The following CCDC73 variants were observed in gnomAD, a reference collection of about 807,000 sequenced individuals.
The protein encoded by CCDC73 is coiled-coil domain containing 73.
In CCDC73, 95 loss-of-function variants were observed where a neutral mutation model predicts 116.5. The observed-to-expected ratio is 0.82, with a 90% CI of 0.69 to 0.97. The LOEUF (loss-of-function observed/expected upper bound fraction) is 0.97. Among genes scored for constraint, CCDC73 ranks in the 50% least tolerant of loss-of-function variants. The pLI, the probability that CCDC73 is intolerant of heterozygous loss-of-function variation, is 0.00. For missense variants in CCDC73, 1,066 were observed against 1,206.8 expected, an observed-to-expected ratio of 0.88 and a Z score of 1.73; for synonymous variants, 398 against 401.3, an observed-to-expected ratio of 0.99 and a Z score of 0.10.
rs895530896 is a variant in CCDC73 at position 32,639,103 on chromosome 11, G to A, written c.1050+2869C>T. The stretch of plus-strand genomic sequence containing the variant: ...GTGGAGGTTGCAGTGAGCCGAGATC[G>A]CACCACTGTACTCCAGCCTGGGCAA... On this transcript the variant is annotated intron_variant, in intron 13 of 17. Transcript: ENST00000335185. 7.3e-5 allele frequency among the ~76,000 whole-genome samples: 11 copies of A among 151,154 alleles called. 1 individual carries two copies. The highest frequency in any genetic ancestry group is 1.3e-4 in the Admixed American group (2 of 15,224).
At chr11:32,698,032 T>TGAGACGGAG (rs1469676692) in intron 6 of CCDC73, among the ~76,000 whole-genome samples, 2 of 98,684 alleles carry the variant, frequency 2.0e-5, no homozygotes, top group East Asian at 4.4e-4. Flanking sequence ...TTTTTTTTTT[T>TGAGACGGAG]TTTTTTTTTT....
chr11:32,605,650 T>C (rs1288282627), intron 17 of CCDC73: 2 of 152,224 alleles, frequency 1.3e-5, no homozygotes, highest in Non-Finnish European at 2.9e-5. Flanking sequence ...CTTTAGTTTC[T>C]TTCCCCTTAA....
At chr11:32,727,868 C>T (rs1251645750) in intron 2 of CCDC73, among the ~76,000 whole-genome samples, 1 of 152,114 alleles carries the variant, frequency 6.6e-6, no homozygotes, top group African/African-American at 2.4e-5. Flanking sequence ...CTGTGCCTGG[C>T]CTGCAGCAAT....
chr11:32,603,030 A>T lies in CCDC73; in HGVS notation c.3031-10T>A, dbSNP rs749424497. The T allele has an allele frequency of 6.3e-7, 1 of 1,578,478 alleles. No homozygotes were observed. The highest frequency in any genetic ancestry group is 1.2e-5 in the South Asian group (1 of 85,196). On this transcript the variant is annotated splice_polypyrimidine_tract_variant and intron_variant, in intron 17 of 17. Transcript: ENST00000335185. Reference sequence around the variant, plus strand: ...GAGGCTTTGTTTTCACCTGGGAAAGATAAACTAATTTTACCTTCGAAATTA... The same window carrying T: ...GAGGCTTTGTTTTCACCTGGGAAAGTTAAACTAATTTTACCTTCGAAATTA...
At chr11:32,815,060 G>T in the CCDC73 span, among the ~76,000 whole-genome samples, 2 of 152,320 alleles carry the variant, frequency 1.3e-5, no homozygotes, top group African/African-American at 4.8e-5. Flanking sequence ...CTGCTAATGA[G>T]TGGGGGTTAT....
At chr11:32,823,303 G>A in the CCDC73 span, among the ~76,000 whole-genome samples, 8 of 152,032 alleles carry the variant, frequency 5.3e-5, no homozygotes, top group African/African-American at 1.2e-4. Flanking sequence ...GTGAAACCCC[G>A]TCTCTACTAA....
intron 2 of CCDC73, among the ~76,000 whole-genome samples, chr11:32,739,537 T>C (rs1220271716): frequency 2.0e-5 from 3 of 152,176 alleles, no homozygotes; most frequent in African/African-American, 4.8e-5. Flanking sequence ...GGTTTTTGTA[T>C]GATGATTTTG....
rs1357508722 is a variant in CCDC73, at chr11:32,611,186, T to G, written c.2976A>C (p.Glu992Asp). 3 of 1,613,738 alleles carry G rather than the reference T, an allele frequency of 1.9e-6. No individual in the cohort carries two copies. The highest frequency in any genetic ancestry group is 2.7e-5 in the African/African-American group (2 of 74,928). The stretch of plus-strand genomic sequence containing the variant: ...AAGTCTTTGCCATTGCATTCTTCTC[T>G]TCACTGGGTTCTCCCTTGGGATCTG... Reference protein sequence around the residue: ...IHPDPKGEPSEEKNAMAKTFY... With the variant: ...IHPDPKGEPSDEKNAMAKTFY... Residue 992 changes from glutamate to aspartate, a missense_variant, in exon 17 of 18, where the codon GAA becomes GAC. Coordinates refer to ENST00000335185, the MANE Select transcript of CCDC73 (RefSeq NM_001008391.4).
intron 13 of CCDC73, 108 bp downstream of exon 13, chr11:32,641,864 G>A: frequency 1.1e-6 from 1 of 880,688 alleles, no homozygotes; most frequent in Non-Finnish European, 1.5e-6. Flanking sequence ...AAATGTGTCT[G>A]ATTTTAGTCC....
chr11:32,828,300 G>A, the CCDC73 span, among the ~76,000 whole-genome samples: 1 of 152,072 alleles, frequency 6.6e-6, no homozygotes, highest in Non-Finnish European at 1.5e-5. Flanking sequence ...CCTGAGGTCA[G>A]GAGTTTGAGA....
chr11:32,830,433 G>T, the CCDC73 span: 1 of 1,174,452 alleles, frequency 8.5e-7, no homozygotes, highest in Non-Finnish European at 1.1e-6. Flanking sequence ...ACAGGTTGGT[G>T]ATTCAGTTCG....
chr11:32,705,511 C>T (rs1171974023), intron 3 of CCDC73, among the ~76,000 whole-genome samples: 4 of 152,176 alleles, frequency 2.6e-5, no homozygotes, highest in Non-Finnish European at 5.9e-5. Context: ...GTGCAGCAGC[C>T]GGACCCCACG....
chr11:32,805,050 T>C, the CCDC73 span, among the ~76,000 whole-genome samples: 5 of 152,332 alleles, frequency 3.3e-5, no homozygotes, highest in South Asian at 1.0e-3. Context: ...AGAAAGTAGT[T>C]CTATCTCTGC....
intron 1 of CCDC73, among the ~76,000 whole-genome samples, chr11:32,787,313 A>C (rs1355882216): frequency 6.6e-6 from 1 of 152,238 alleles, no homozygotes; most frequent in Non-Finnish European, 1.5e-5. Flanking sequence ...GCATGTGTAC[A>C]TAAAATACAT....
chr11:32,621,197 A>G (rs964161700), intron 14 of CCDC73, among the ~76,000 whole-genome samples: 7 of 152,224 alleles, frequency 4.6e-5, no homozygotes, highest in African/African-American at 1.7e-4. Flanking sequence ...GGAACCAAAA[A>G]AGAGCCAGTA....
Position 32,675,604 on chromosome 11 carries a change from TA to T in CCDC73, c.605del (p.Leu202Ter), listed in dbSNP as rs1554964467. Reference sequence around the variant, plus strand: ...ATATTTCAGCTTCTTGTTTTTTATTTAAAGCTGAAAGTCTTTTGTTTGATTG... The same window carrying T: ...ATATTTCAGCTTCTTGTTTTTTATTTAAGCTGAAAGTCTTTTGTTTGATTG... ...AIQSNKRLSALNKKQEAEICS... is the reference protein window; with the variant it reads ...AIQSNKRLSAXNKKQEAEICS... On this transcript the variant is annotated frameshift_variant, in exon 9 of 18. Transcript: ENST00000335185. LOFTEE classifies it high-confidence loss of function. 1 of 1,592,378 alleles carries T rather than the reference TA, an allele frequency of 6.3e-7. No individual in the cohort carries two copies. Among genetic ancestry groups the T allele is most frequent in the African/African-American group, 1.4e-5 (1 of 73,726 alleles).
intron 1 of CCDC73, among the ~76,000 whole-genome samples, chr11:32,763,714 C>T (rs545185596): frequency 2.0e-5 from 3 of 152,184 alleles, no homozygotes; most frequent in Non-Finnish European, 2.9e-5. Flanking sequence ...CACCTCTCCC[C>T]CTCCAACGGA....
chr11:32,627,971 A>T (rs1044107091), intron 14 of CCDC73, among the ~76,000 whole-genome samples: 2 of 152,174 alleles, frequency 1.3e-5, no homozygotes, highest in Non-Finnish European at 2.9e-5. Context: ...AAAGTATAAT[A>T]AAAAAATAAA....
intron 6 of CCDC73, among the ~76,000 whole-genome samples, chr11:32,691,290 C>T (rs1292320318): frequency 6.6e-6 from 1 of 152,152 alleles, no homozygotes; most frequent in South Asian, 2.1e-4. Flanking sequence ...TGGTGATCTG[C>T]CTGCCTCAGC....
Sources: allele counts gnomAD v4.1 joint callset (sites outside exome capture counted in the v4.1 genomes callset), GRCh38; gene constraint gnomAD v4.1.1; transcripts MANE v1.5; gene names NCBI Gene and HGNC (gene_info 2026-07-23, HGNC 2026-07-21).